NRIP2: variants seen among roughly 807,000 people sequenced by gnomAD.
The protein encoded by NRIP2 is nuclear receptor-interacting protein 2.
In NRIP2, 27 loss-of-function variants were observed where a neutral mutation model predicts 34.1. That is an observed-to-expected ratio of 0.79 (90% CI 0.58 to 1.09). NRIP2 has a LOEUF of 1.09. Ranked by LOEUF, NRIP2 falls within the 50% of genes least tolerant of loss-of-function variation. The pLI, the probability that NRIP2 is intolerant of heterozygous loss-of-function variation, is 0.00. For missense variants in NRIP2, 385 were observed against 352.6 expected (o/e 1.09, Z -0.74); for synonymous variants, 145 against 146.9 (o/e 0.99, Z 0.09).
chr12:2,828,490 C>G (rs1296278848), intron 2 of NRIP2, 76 bp from the exon 3 acceptor site: 2 of 1,099,208 alleles, frequency 1.8e-6, no homozygotes, highest in African/African-American at 1.6e-5. Flanking sequence ...AGTTTCCCAG[C>G]CCATTGATGA....
Position 2,826,808 on chromosome 12 carries a change from A to G in NRIP2, c.*399T>C, listed in dbSNP as rs1032259425. 3.9e-6 allele frequency: 1 copy of G among 257,272 alleles called. No individual in the cohort carries two copies. The highest frequency in any genetic ancestry group is 2.4e-5 in the African/African-American group (1 of 42,420). 15.9% of individuals were successfully genotyped at this position (257,272 alleles called of 1,614,324 possible). Reference sequence around the variant, plus strand: ...AGGCCCAGAAGGTGTGGTGAGAGACATGGTGGTGTGGGAAGTTGAGTTGTG... The same window carrying G: ...AGGCCCAGAAGGTGTGGTGAGAGACGTGGTGGTGTGGGAAGTTGAGTTGTG... On this transcript the variant is annotated 3_prime_UTR_variant, in exon 6 of 6. Transcript: ENST00000337508.
At chr12:2,829,735 C>G (rs1322038874) in intron 2 of NRIP2, among the ~76,000 whole-genome samples, 1 of 151,950 alleles carries the variant, frequency 6.6e-6, no homozygotes, top group Non-Finnish European at 1.5e-5. Context: ...CCACTACACT[C>G]CAGCCTGGGT....
At chr12:2,832,143 A>T (rs544544635) in intron 1 of NRIP2, among the ~76,000 whole-genome samples, 1 of 152,332 alleles carries the variant, frequency 6.6e-6, no homozygotes, top group South Asian at 2.1e-4. Context: ...CAGATGTTTC[A>T]TTGTGACAAG....
intron 1 of NRIP2, among the ~76,000 whole-genome samples, chr12:2,831,220 T>A (rs2098001039): frequency 6.6e-6 from 1 of 151,718 alleles, no homozygotes; most frequent in African/African-American, 2.4e-5. Flanking sequence ...TTTTTTTTCT[T>A]CCCCTCTGAC....
chr12:2,827,558 T>C lies in NRIP2; in HGVS notation c.753+67A>G. On this transcript the variant is annotated intron_variant, in intron 5 of 5. Transcript: ENST00000337508. This position sits in a 1 kb window ranked among gnomAD's most constrained non-coding sequence, Gnocchi z 4.0. ...CACTCTCATCAGAACCTGGTCCAGG[T>C]TCCACACCTGTGCCTTCTACTACTT... 6.2e-7 allele frequency: 1 copy of C among 1,611,982 alleles called. No homozygotes were observed. Among genetic ancestry groups the C allele is most frequent in the Non-Finnish European group, 8.5e-7 (1 of 1,179,122 alleles).
chr12:2,832,328 G>T (rs184010138), intron 1 of NRIP2, among the ~76,000 whole-genome samples: 3 of 151,860 alleles, frequency 2.0e-5, no homozygotes, highest in African/African-American at 7.3e-5. Flanking sequence ...TGACCGGGCC[G>T]TGCCTCCTTC....
At position 2,827,013 on chromosome 12, in the gene NRIP2, G is replaced by T; in HGVS notation, c.*194C>A. 1 of 1,408,634 alleles carries T rather than the reference G, an allele frequency of 7.1e-7. No homozygotes were observed. Among genetic ancestry groups the T allele is most frequent in the African/African-American group, 1.5e-5 (1 of 67,968 alleles). 87.3% of individuals were successfully genotyped at this position (1,408,634 alleles called of 1,614,324 possible). A position where few individuals can be genotyped will look rare whatever the true frequency, so the allele number is the denominator to read the frequency against. ...GGGCCCTCTAGTGAAAACTCGTCCT[G>T]GGGAGTAGGACAGCTGCTGAGAAGC... On this transcript the variant is annotated 3_prime_UTR_variant, in exon 6 of 6. Transcript: ENST00000337508. The surrounding 1 kb of genome is among the most constrained non-coding windows in gnomAD (Gnocchi z 4.0).
At chr12:2,829,204 G>A (rs1442304334) in intron 2 of NRIP2, among the ~76,000 whole-genome samples, 1 of 152,174 alleles carries the variant, frequency 6.6e-6, no homozygotes, top group Non-Finnish European at 1.5e-5. Flanking sequence ...GGAAGGATGA[G>A]AAGACTGGAA....
At position 2,828,248 on chromosome 12, in the gene NRIP2, T is replaced by A. The variant is rs553936756; in HGVS notation, c.578+84A>T. The A allele has an allele frequency of 6.4e-5, 82 of 1,273,868 alleles. 1 individual carries two copies. In the South Asian group the frequency reaches 9.1e-4, roughly 14 times the overall value. The allele number at this position is 1,273,868 out of a possible 1,614,324, so 78.9% of individuals were successfully genotyped here. On this transcript the variant is annotated intron_variant, in intron 3 of 5. Transcript: ENST00000337508. The stretch of plus-strand genomic sequence containing the variant: ...TTTATTGAGATAAAATATGCAACTG[T>A]CGTCACTATCTAATTTGAGAATATT...
chr12:2,830,063 C>T (rs1027656389), intron 2 of NRIP2, among the ~76,000 whole-genome samples: 2 of 151,544 alleles, frequency 1.3e-5, no homozygotes, highest in African/African-American at 4.9e-5. Context: ...GGTGACAGAG[C>T]GAGACTCTGT....
Position 2,827,804 on chromosome 12 carries a change from G to A in NRIP2, c.700+122C>T, listed in dbSNP as rs538564590. 2,743 of 1,603,170 alleles carry A rather than the reference G, an allele frequency of 1.7e-3. 7 individuals are homozygous for A. Among genetic ancestry groups the A allele is most frequent in the Non-Finnish European group, 2.2e-3 (2,536 of 1,175,256 alleles). On this transcript the variant is annotated intron_variant, in intron 4 of 5. Transcript: ENST00000337508. This position sits in a 1 kb window ranked among gnomAD's most constrained non-coding sequence, Gnocchi z 4.0. ...TCCGAGGACACTGGCACAGAGATGG[G>A]GGATAGTCAGAACATCTCTGGGAAC...
intron 1 of NRIP2, among the ~76,000 whole-genome samples, chr12:2,832,583 T>TC (rs1432837197): frequency 6.6e-6 from 1 of 151,880 alleles, no homozygotes; most frequent in Non-Finnish European, 1.5e-5. Flanking sequence ...CTCTCTGAGT[T>TC]CTTCATGCTC....
Position 2,826,818 on chromosome 12 carries a change from G to A in NRIP2, c.*389C>T, listed in dbSNP as rs1226385643. The A allele has an allele frequency of 3.7e-6, 1 of 273,588 alleles. No individual in the cohort carries two copies. Among genetic ancestry groups the A allele is most frequent in the Non-Finnish European group, 6.6e-6 (1 of 150,658 alleles). The allele number at this position is 273,588 out of a possible 1,614,324, so 16.9% of individuals were successfully genotyped here. ...GGTGTGGTGAGAGACATGGTGGTGTGGGAAGTTGAGTTGTGTTTGGGGTGG... is the reference window on the plus strand; with the variant it reads ...GGTGTGGTGAGAGACATGGTGGTGTAGGAAGTTGAGTTGTGTTTGGGGTGG... On this transcript the variant is annotated 3_prime_UTR_variant, in exon 6 of 6. Transcript: ENST00000337508.
rs985423549 is a variant in NRIP2, at chr12:2,827,100, G to C, written c.*107C>G. On this transcript the variant is annotated 3_prime_UTR_variant, in exon 6 of 6. Coordinates refer to ENST00000337508, the MANE Select transcript of NRIP2 (RefSeq NM_031474.3). This position sits in a 1 kb window ranked among gnomAD's most constrained non-coding sequence, Gnocchi z 4.0. ...CAGGGGTCAGGGAGGTGATTGGAAG[G>C]GCAGACACCATAGTCCCCAGCTACC... 6.4e-6 allele frequency: 10 copies of C among 1,557,496 alleles called. No individual in the cohort carries two copies. In the African/African-American group the frequency reaches 1.4e-4, roughly 21 times the overall value.
chr12:2,829,015 C>T (rs1437608400), intron 2 of NRIP2, among the ~76,000 whole-genome samples: 1 of 151,188 alleles, frequency 6.6e-6, no homozygotes, highest in Non-Finnish European at 1.5e-5. Context: ...GCCTAGGCAA[C>T]ATAGCAAGAC....
chr12:2,834,066 G>A (rs1246749122), intron 1 of NRIP2, among the ~76,000 whole-genome samples: 4 of 152,182 alleles, frequency 2.6e-5, no homozygotes. Context: ...CTGCAGACAT[G>A]GGATGGGAGG....
At chr12:2,834,096 A>C (rs1378246694) in intron 1 of NRIP2, among the ~76,000 whole-genome samples, 1 of 152,202 alleles carries the variant, frequency 6.6e-6, no homozygotes, top group African/African-American at 2.4e-5. Context: ...TGGAAGGTCC[A>C]TTCCACTCAG....
intron 2 of NRIP2, among the ~76,000 whole-genome samples, chr12:2,828,907 A>C (rs2097984955): frequency 6.6e-6 from 1 of 152,126 alleles, no homozygotes; most frequent in African/African-American, 2.4e-5. Flanking sequence ...CCAGATAAAT[A>C]AATCAAAAAA....
intron 2 of NRIP2, among the ~76,000 whole-genome samples, chr12:2,828,629 C>T (rs900057317): frequency 6.6e-6 from 1 of 152,122 alleles, no homozygotes; most frequent in South Asian, 2.1e-4. Flanking sequence ...CACCTGAGGT[C>T]GGGAGTTCAA....
Sources: gnomAD v4.1 joint callset for allele counts (sites outside exome capture counted in the v4.1 genomes callset) on GRCh38, gnomAD v4.1.1 for gene constraint, Gnocchi (gnomAD v3.1) non-coding constraint, MANE v1.5 for transcripts, NCBI Gene and HGNC (gene_info 2026-07-23, HGNC 2026-07-21) for gene names.